The following SSBP3 variants were observed in gnomAD, a reference collection of about 807,000 sequenced individuals.
The protein encoded by SSBP3 is single stranded DNA binding protein 3.
SSBP3 carries 5 observed loss-of-function variants against 69.6 expected under a neutral mutation model. The ratio of observed to expected loss-of-function variants is 0.07; its 90% CI spans 0.04 to 0.15. The LOEUF (loss-of-function observed/expected upper bound fraction) is 0.15. Among genes scored for constraint, SSBP3 ranks in the 10% least tolerant of loss-of-function variants. The pLI, the probability that SSBP3 is intolerant of heterozygous loss-of-function variation, is 1.00. For missense variants in SSBP3, 312 were observed against 534.0 expected (o/e 0.58, Z 4.10); for synonymous variants, 196 against 193.4 (o/e 1.01, Z -0.11).
intron 5 of SSBP3, among the ~76,000 whole-genome samples, chr1:54,272,661 G>C (rs1204125746): frequency 6.6e-6 from 1 of 152,164 alleles, no homozygotes; most frequent in Admixed American, 6.5e-5. Flanking sequence ...GGACCTCGTG[G>C]GGGCAGAGGG....
At chr1:54,272,356 CTG>C (rs1157750386) in intron 5 of SSBP3, among the ~76,000 whole-genome samples, 1 of 152,112 alleles carries the variant, frequency 6.6e-6, no homozygotes, top group African/African-American at 2.4e-5. Flanking sequence ...GTTCCTCCCA[CTG>C]TGGCATGAGC....
At chr1:54,329,264 T>G (rs1466904675) in intron 4 of SSBP3, among the ~76,000 whole-genome samples, 1 of 152,176 alleles carries the variant, frequency 6.6e-6, no homozygotes. Flanking sequence ...TAAAGGGCTG[T>G]TCAAGGCAGA....
Position 54,248,342 on chromosome 1 carries a change from G to A in SSBP3, c.651+3274C>T, listed in dbSNP as rs200028119. ...AGCTCAGGGCCTGCGGGAAGGGGAAGGGATCCACAGGACACCATGTGGGGA... is the reference window on the plus strand; with the variant it reads ...AGCTCAGGGCCTGCGGGAAGGGGAAAGGATCCACAGGACACCATGTGGGGA... On this transcript the variant is annotated intron_variant, in intron 9 of 17. Coordinates refer to ENST00000610401, the Ensembl canonical transcript of SSBP3. Among the ~76,000 whole-genome samples the A allele has an allele frequency of 3.1e-4, 47 of 152,334 alleles. 1 individual carries two copies. In the East Asian group the frequency reaches 7.7e-3, roughly 25 times the overall value.
chr1:54,260,200 A>G (rs1040270566), intron 5 of SSBP3, among the ~76,000 whole-genome samples: 2 of 152,248 alleles, frequency 1.3e-5, no homozygotes, highest in South Asian at 2.1e-4. Flanking sequence ...AAAAAAAGAA[A>G]TATGAAAAGA....
chr1:54,405,685 A>C (rs1420012729), intron 1 of SSBP3, among the ~76,000 whole-genome samples: 4 of 150,882 alleles, frequency 2.7e-5, no homozygotes, highest in African/African-American at 4.9e-5. Context: ...CCCGCGCTCG[A>C]CCCGCGCCAC....
intron 5 of SSBP3, among the ~76,000 whole-genome samples, chr1:54,262,836 C>T (rs1557473607): frequency 6.6e-6 from 1 of 152,164 alleles, no homozygotes; most frequent in Non-Finnish European, 1.5e-5. Flanking sequence ...CTGGGGTAGA[C>T]CTCAACATGG....
intron 5 of SSBP3, among the ~76,000 whole-genome samples, chr1:54,263,343 T>A (rs1484222775): frequency 1.3e-5 from 2 of 152,174 alleles, no homozygotes; most frequent in Non-Finnish European, 2.9e-5. Flanking sequence ...CGGGTTGTGG[T>A]GTGACAGGAA....
intron 4 of SSBP3, among the ~76,000 whole-genome samples, chr1:54,387,361 C>CT (rs1648168857): frequency 6.6e-6 from 1 of 152,218 alleles, no homozygotes; most frequent in South Asian, 2.1e-4. Flanking sequence ...CAAGCCATGC[C>CT]TCTTCAAGAA....
chr1:54,359,175 G>A (rs1178680310), intron 4 of SSBP3, among the ~76,000 whole-genome samples: 3 of 117,462 alleles, frequency 2.6e-5, no homozygotes, highest in African/African-American at 6.4e-5. Context: ...GAAGAACAGA[G>A]ACATATATGA....
At chr1:54,277,971 T>C (rs1645321308) in intron 5 of SSBP3, among the ~76,000 whole-genome samples, 1 of 152,194 alleles carries the variant, frequency 6.6e-6, no homozygotes, top group Admixed American at 6.5e-5. Flanking sequence ...AAAATCCATC[T>C]GGATCCAAAG....
chr1:54,277,572 A>G (rs1021661492), intron 5 of SSBP3, among the ~76,000 whole-genome samples: 1 of 152,200 alleles, frequency 6.6e-6, no homozygotes, highest in African/African-American at 2.4e-5. Context: ...CACTTTCCCA[A>G]TCTGCATGCC....
chr1:54,400,854 T>C (rs1649241814), intron 4 of SSBP3, among the ~76,000 whole-genome samples: 1 of 152,146 alleles, frequency 6.6e-6, no homozygotes, highest in Admixed American at 6.6e-5. Context: ...TGCAGGGAAC[T>C]CAGATGGCTG....
At chr1:54,333,174 A>C (rs1646450230) in intron 4 of SSBP3, among the ~76,000 whole-genome samples, 1 of 152,178 alleles carries the variant, frequency 6.6e-6, no homozygotes, top group Non-Finnish European at 1.5e-5. Flanking sequence ...GGAGCCAGCC[A>C]GCTACGTGGG....
chr1:54,294,159 A>AAAAAAGAAAGAAAGAAAG (rs754650225), intron 4 of SSBP3, among the ~76,000 whole-genome samples: 1 of 86,164 alleles, frequency 1.2e-5, no homozygotes, highest in African/African-American at 4.1e-5. Flanking sequence ...AAAAAAAAAA[A>AAAAAAGAAAGAAAGAAAG]AAAGAAAGAA....
At chr1:54,382,940 G>A (rs1466185700) in intron 4 of SSBP3, among the ~76,000 whole-genome samples, 3 of 139,298 alleles carry the variant, frequency 2.2e-5, no homozygotes, top group East Asian at 4.4e-4. Context: ...AGCCGAGATC[G>A]TGCCATTGCA....
At chr1:54,361,527 G>C (rs943934254) in intron 4 of SSBP3, among the ~76,000 whole-genome samples, 4 of 152,076 alleles carry the variant, frequency 2.6e-5, no homozygotes, top group African/African-American at 9.7e-5. Context: ...GCCCCCAATA[G>C]AGCAAGGCCC....
At chr1:54,405,039 G>T in intron 1 of SSBP3, 109 bp from the exon 2 acceptor site, 1 of 984,128 alleles carries the variant, frequency 1.0e-6, no homozygotes, top group Non-Finnish European at 1.6e-6. Flanking sequence ...CCGTCCCATT[G>T]TGGCCCCGAC....
chr1:54,255,412 T>C (rs1644903646), intron 7 of SSBP3, among the ~76,000 whole-genome samples: 1 of 152,200 alleles, frequency 6.6e-6, no homozygotes, highest in African/African-American at 2.4e-5. Context: ...AGGCTGCTGC[T>C]GGCGCCCCTA....
chr1:54,334,080 G>A (rs1050986129), intron 4 of SSBP3, among the ~76,000 whole-genome samples: 1 of 151,494 alleles, frequency 6.6e-6, no homozygotes, highest in South Asian at 2.1e-4. Flanking sequence ...TAGGCCTGGC[G>A]TGGTGGCTTA....
Sources: allele counts gnomAD v4.1 joint callset (sites outside exome capture counted in the v4.1 genomes callset), GRCh38; gene constraint gnomAD v4.1.1; transcripts MANE v1.5; gene names NCBI Gene and HGNC (gene_info 2026-07-23, HGNC 2026-07-21).